Variants in ARHGAP10 observed in about 807,000 individuals in gnomAD.
ARHGAP10 encodes the protein rho GTPase-activating protein 10.
Under a neutral mutation model 108.6 loss-of-function variants are expected in ARHGAP10, and 87 were observed. That is an observed-to-expected ratio of 0.80 (90% CI 0.67 to 0.96). The LOEUF (loss-of-function observed/expected upper bound fraction) is 0.96. Among genes scored for constraint, ARHGAP10 ranks in the 40% least tolerant of loss-of-function variants. The pLI, the probability that ARHGAP10 is intolerant of heterozygous loss-of-function variation, is 0.00. For synonymous variants in ARHGAP10, 347 were observed against 341.1 expected (o/e 1.02, Z -0.19); for missense variants, 939 against 954.5 (o/e 0.98, Z 0.21).
intron 8 of ARHGAP10, among the ~76,000 whole-genome samples, chr4:147,876,621 A>C (rs1415534552): frequency 1.3e-5 from 2 of 152,012 alleles, no homozygotes; most frequent in Non-Finnish European, 2.9e-5. Flanking sequence ...AAACAAAACA[A>C]AAAACCACCT....
intron 19 of ARHGAP10, among the ~76,000 whole-genome samples, chr4:148,043,213 A>G (rs1014550782): frequency 9.2e-5 from 14 of 152,106 alleles, no homozygotes; most frequent in African/African-American, 2.7e-4. Context: ...AAATCTGAGG[A>G]TGCTGCAAGG....
At chr4:147,852,245 A>T (rs1003537537) in intron 4 of ARHGAP10, among the ~76,000 whole-genome samples, 6 of 152,310 alleles carry the variant, frequency 3.9e-5, no homozygotes, top group African/African-American at 1.4e-4. Flanking sequence ...AATAGTGCTA[A>T]GGCACTGGAT....
At chr4:147,917,278 T>C (rs1024071203) in intron 13 of ARHGAP10, 1 of 152,200 alleles carries the variant, frequency 6.6e-6, no homozygotes, top group Non-Finnish European at 1.5e-5. Context: ...TCCTTGAAAA[T>C]TGAGCTAATG....
At chr4:147,890,743 C>G (rs1446335236) in intron 10 of ARHGAP10, among the ~76,000 whole-genome samples, 1 of 152,142 alleles carries the variant, frequency 6.6e-6, no homozygotes, top group Non-Finnish European at 1.5e-5. Flanking sequence ...AGGAGAATCA[C>G]TTGAACCCGG....
At chr4:147,761,545 TG>T (rs1296897341) in intron 1 of ARHGAP10, among the ~76,000 whole-genome samples, 1 of 152,210 alleles carries the variant, frequency 6.6e-6, no homozygotes, top group African/African-American at 2.4e-5. Flanking sequence ...ACTTGATATT[TG>T]AATTTATCTC....
chr4:148,001,713 TTGTC>T (rs1292657388), intron 18 of ARHGAP10, among the ~76,000 whole-genome samples: 4 of 151,980 alleles, frequency 2.6e-5, no homozygotes, highest in African/African-American at 7.3e-5. Context: ...GGCTCTCTGT[TTGTC>T]TGTTATTGGT....
intron 3 of ARHGAP10, among the ~76,000 whole-genome samples, chr4:147,840,276 C>A (rs575077389): frequency 6.6e-6 from 1 of 152,202 alleles, no homozygotes; most frequent in South Asian, 2.1e-4. Context: ...CCCATCAAAC[C>A]TGGCTTTGCT....
At chr4:147,870,115 A>G (rs888666982) in intron 7 of ARHGAP10, among the ~76,000 whole-genome samples, 4 of 151,032 alleles carry the variant, frequency 2.6e-5, no homozygotes, top group Non-Finnish European at 2.9e-5. Flanking sequence ...GGCCCAATCA[A>G]TCTCGGCTCA....
intron 1 of ARHGAP10, among the ~76,000 whole-genome samples, chr4:147,800,662 G>A (rs1731544119): frequency 6.6e-6 from 1 of 152,032 alleles, no homozygotes; most frequent in African/African-American, 2.4e-5. Flanking sequence ...CCATTTTTGG[G>A]GTCACAAACT....
chr4:148,060,038 C>G (rs1002089272), intron 20 of ARHGAP10, among the ~76,000 whole-genome samples: 1 of 122,696 alleles, frequency 8.2e-6, no homozygotes. Context: ...GAGAGAGAGA[C>G]GAGAGACAGA....
At chr4:147,952,289 T>A (rs959088216) in intron 15 of ARHGAP10, among the ~76,000 whole-genome samples, 3 of 152,186 alleles carry the variant, frequency 2.0e-5, no homozygotes, top group Non-Finnish European at 4.4e-5. Flanking sequence ...AGTGGAATAT[T>A]TAGATCATGT....
intron 6 of ARHGAP10, chr4:147,865,238 CTCTA>C (rs1381563319): frequency 3.9e-6 from 1 of 257,016 alleles, no homozygotes; most frequent in African/African-American, 2.3e-5. Flanking sequence ...TAGCCTATAG[CTCTA>C]TCTTTTAAAA....
At chr4:147,732,550 C>T in intron 1 of ARHGAP10, 95 bp downstream of exon 1, 3 of 1,523,798 alleles carry the variant, frequency 2.0e-6, no homozygotes, top group East Asian at 4.8e-5. Flanking sequence ...TGTCCGGGGC[C>T]AGCAGCCAGA....
chr4:148,028,192 A>G (rs1213884843), intron 19 of ARHGAP10, among the ~76,000 whole-genome samples: 2 of 152,056 alleles, frequency 1.3e-5, no homozygotes, highest in Non-Finnish European at 2.9e-5. Flanking sequence ...GTTTCAGGTA[A>G]GGGGAGTAGC....
chr4:147,962,100 C>T (rs144067154), intron 16 of ARHGAP10, among the ~76,000 whole-genome samples: 237 of 152,344 alleles, frequency 1.6e-3, no homozygotes, highest in Admixed American at 2.5e-3. Flanking sequence ...AAATACCAGC[C>T]ATTTGAATGT....
At chr4:147,968,550 T>G (rs1161826590) in intron 18 of ARHGAP10, among the ~76,000 whole-genome samples, 1 of 152,210 alleles carries the variant, frequency 6.6e-6, no homozygotes. Flanking sequence ...GGACTGTAGG[T>G]TAAGTATTTC....
At chr4:148,046,795 C>A (rs565180979) in intron 19 of ARHGAP10, 97 bp from the exon 20 acceptor site, 2 of 1,209,578 alleles carry the variant, frequency 1.7e-6, no homozygotes, top group Non-Finnish European at 1.2e-6. Context: ...GTAATTTTAT[C>A]ATTTGATTGA....
rs973461641 is a variant in ARHGAP10, at chr4:147,840,586, G to A, written c.313-6565G>A. 5.9e-5 allele frequency among the ~76,000 whole-genome samples: 9 copies of A among 152,278 alleles called. No individual in the cohort carries two copies. In the East Asian group the frequency reaches 1.5e-3, roughly 26 times the overall value. ...TGGATTCAGGCGGTATGTGTCATCA[G>A]TGTATGTTACAGGGTCAATTTGTGG... On this transcript the variant is annotated intron_variant, in intron 3 of 22. Transcript: ENST00000336498.
At position 148,047,006 on chromosome 4, in the gene ARHGAP10, A is replaced by G. The variant is rs1728916756; in HGVS notation, c.1982A>G (p.His661Arg). The change falls in exon 20 of 23, where the codon CAC becomes CGC. Residue 661 changes from histidine (H) to arginine (R), a missense_variant. By Grantham distance (29) the His-to-Arg change is conservative (BLOSUM62 0). Transcript: ENST00000336498. Reference protein sequence around the residue: ...VPGPPGPDKNHLLADGGSFGD... With the variant: ...VPGPPGPDKNRLLADGGSFGD... ...GGGCCTCCTGGACCAGACAAAAACCACCTTCTGGCAGATGGAGGGAGCTTT... is the reference window on the plus strand; with the variant it reads ...GGGCCTCCTGGACCAGACAAAAACCGCCTTCTGGCAGATGGAGGGAGCTTT... The G allele has an allele frequency of 1.9e-6, 3 of 1,614,118 alleles. No individual in the cohort carries two copies. In the African/African-American group the frequency reaches 4.0e-5, roughly 22 times the overall value.
Sources: gnomAD v4.1 joint callset for allele counts (sites outside exome capture counted in the v4.1 genomes callset) on GRCh38, gnomAD v4.1.1 for gene constraint, MANE v1.5 for transcripts, NCBI Gene and HGNC (gene_info 2026-07-23, HGNC 2026-07-21) for gene names.